SI: variants seen among roughly 807,000 people sequenced by gnomAD.
SI encodes sucrase-isomaltase, intestinal.
In SI, 235 loss-of-function variants were observed where a neutral mutation model predicts 253.3. The ratio of observed to expected loss-of-function variants is 0.93; its 90% CI spans 0.83 to 1.03. The LOEUF (loss-of-function observed/expected upper bound fraction) is 1.03. Ranked by LOEUF, SI falls within the 50% of genes least tolerant of loss-of-function variation. The pLI, the probability that SI is intolerant of heterozygous loss-of-function variation, is 0.00. For synonymous variants in SI, 819 were observed against 712.0 expected (o/e 1.15, Z -2.39); for missense variants, 2,442 against 2,211.1 (o/e 1.10, Z -2.09).
chr3:164,991,544 T>C, intron 43 of SI, 67 bp from the exon 44 acceptor site: 1 of 1,513,634 alleles, frequency 6.6e-7, no homozygotes, highest in Non-Finnish European at 9.2e-7. Flanking sequence ...CACTGGTAGT[T>C]GAGGATATAC....
chr3:164,993,411 A>G (rs1189383037), intron 41 of SI, among the ~76,000 whole-genome samples: 1 of 151,798 alleles, frequency 6.6e-6, no homozygotes, highest in Non-Finnish European at 1.5e-5. Context: ...CGCTTATCCT[A>G]TCATCAAAAG....
At position 165,078,332 on chromosome 3, in the gene SI, C is replaced by T. The variant is rs145305533; in HGVS notation, c.-1+101G>A. The T allele has an allele frequency of 2.0e-5, 3 of 151,826 alleles. No individual in the cohort carries two copies. The East Asian group carries it at 5.8e-4, about 29-fold the overall frequency. The allele number at this position is 151,826 out of a possible 1,614,324, so 9.4% of individuals were successfully genotyped here. ...AAAATATATGATATTGCTATTTTAG[C>T]CTAGTGCAGATAGATGGGAATACTG... On this transcript the variant is annotated intron_variant, in intron 1 of 47. Transcript: ENST00000264382.
intron 32 of SI, among the ~76,000 whole-genome samples, chr3:165,015,508 G>A (rs1175019332): frequency 6.6e-6 from 1 of 152,004 alleles, no homozygotes; most frequent in Non-Finnish European, 1.5e-5. Flanking sequence ...GAGATATCTG[G>A]CTAACTAGCT....
chr3:165,009,465 G>C, intron 34 of SI, 70 bp from the exon 35 acceptor site: 1 of 836,768 alleles, frequency 1.2e-6, no homozygotes, highest in Non-Finnish European at 2.1e-6. Flanking sequence ...AAATCTGAAT[G>C]TATTTGACAG....
chr3:165,081,808 A>T (rs1331463128), upstream of SI, among the ~76,000 whole-genome samples: 2 of 151,914 alleles, frequency 1.3e-5, no homozygotes, highest in Non-Finnish European at 2.9e-5. Flanking sequence ...ACACAAATAT[A>T]AAAAGGGAAG....
Position 165,017,275 on chromosome 3 carries a change from T to C in SI, c.3759+273A>G, listed in dbSNP as rs547852481. On this transcript the variant is annotated intron_variant, in intron 31 of 47. Transcript: ENST00000264382. ...AGTGACTGCCTGTACAACCCAGAGT[T>C]TGTGAGAGGAAATCAAGTGCACAGT... Among the ~76,000 whole-genome samples the C allele has an allele frequency of 1.5e-3, 230 of 152,038 alleles. 1 individual carries two copies. The highest frequency in any genetic ancestry group is 5.4e-3 in the African/African-American group (224 of 41,534).
At chr3:165,070,740 C>T (rs1030528813) in intron 3 of SI, among the ~76,000 whole-genome samples, 3 of 151,972 alleles carry the variant, frequency 2.0e-5, no homozygotes, top group African/African-American at 7.3e-5. Flanking sequence ...AATAGGCTTA[C>T]GTTAATTTCC....
In SI at chr3:165,070,344, C is replaced by T. The variant is rs1229132198; in HGVS notation, c.256-1149G>A. Among the ~76,000 whole-genome samples the T allele has an allele frequency of 1.1e-4, 6 of 55,174 alleles. No homozygotes were observed. In the East Asian group the frequency reaches 6.6e-3, roughly 60 times the overall value. The allele number at this position is 55,174 out of a possible 152,430, so 36.2% of individuals were successfully genotyped here. ...TATATATATAAAATCTCTCTAAACA[C>T]CATATATATATATATATATATGTGT... On this transcript the variant is annotated intron_variant, in intron 3 of 47. Transcript: ENST00000264382.
At chr3:165,067,236 C>T (rs1714291456) in intron 6 of SI, 104 bp downstream of exon 6, 2 of 921,024 alleles carry the variant, frequency 2.2e-6, no homozygotes, top group Non-Finnish European at 3.2e-6. Context: ...CACCTACCCT[C>T]TTTTGGGAGG....
chr3:165,037,914 T>C lies in SI; in HGVS notation c.2412A>G (p.Val804=), dbSNP rs980796525. Residue 804 remains valine (V), a synonymous_variant, in exon 21 of 48, where the codon GTA becomes GTG. Transcript: ENST00000264382. ...GYIIPIQEPD[V]TTTASRKNPL... The stretch of plus-strand genomic sequence containing the variant: ...TTTCATTTTACCTTGCTGTTGTTGT[T>C]ACATCTGGTTCTTGAATGGGGATGA... The C allele has an allele frequency of 3.1e-6, 5 of 1,606,906 alleles. No homozygotes were observed. In the African/African-American group the frequency reaches 6.7e-5, roughly 21 times the overall value.
At chr3:165,003,012 G>T (rs1002010299) in intron 37 of SI, among the ~76,000 whole-genome samples, 26 of 151,770 alleles carry the variant, frequency 1.7e-4, no homozygotes, top group African/African-American at 6.0e-4. Context: ...GCTTAAAAGT[G>T]GAAATGGACT....
chr3:165,020,428 T>C (rs962696053), intron 27 of SI, among the ~76,000 whole-genome samples: 18 of 151,738 alleles, frequency 1.2e-4, no homozygotes, highest in Non-Finnish European at 3.0e-5. Flanking sequence ...TTTAACTTTT[T>C]ATATTTATTA....
chr3:164,990,373 A>C, intron 44 of SI, among the ~76,000 whole-genome samples: 1 of 152,100 alleles, frequency 6.6e-6, no homozygotes, highest in East Asian at 1.9e-4. Flanking sequence ...TAAGACATTA[A>C]GTTGTCATTA....
chr3:165,009,553 T>C (rs769425740), intron 34 of SI, among the ~76,000 whole-genome samples, 158 bp from the exon 35 acceptor site: 23 of 151,974 alleles, frequency 1.5e-4, no homozygotes, highest in Non-Finnish European at 2.9e-5. Context: ...GGTTTCTTCC[T>C]CAACACTTCA....
chr3:165,068,697 T>C, intron 5 of SI, 25 bp downstream of exon 5: 1 of 1,541,320 alleles, frequency 6.5e-7, no homozygotes, highest in Non-Finnish European at 9.0e-7. Flanking sequence ...TAGTATTAAA[T>C]CTTTGGAAAC....
At chr3:165,035,241 A>G (rs1472729507) in intron 22 of SI, among the ~76,000 whole-genome samples, 8 of 152,018 alleles carry the variant, frequency 5.3e-5, no homozygotes. Flanking sequence ...GGTATAAAAG[A>G]CTACATTTAT....
chr3:164,982,146 C>A (rs955094409), intron 47 of SI, 97 bp downstream of exon 47: 7 of 850,912 alleles, frequency 8.2e-6, no homozygotes, highest in Non-Finnish European at 1.3e-5. Context: ...TCATAATTGA[C>A]TCATAATTAT....
chr3:164,997,855 T>C (rs1164274295), intron 38 of SI, among the ~76,000 whole-genome samples: 1 of 151,938 alleles, frequency 6.6e-6, no homozygotes, highest in Non-Finnish European at 1.5e-5. Context: ...CCATGGTGTA[T>C]ATGTACCACA....
chr3:165,063,155 T>A lies in SI; in HGVS notation c.907+287A>T, dbSNP rs548469733. ...TTACTTATCTCGACAAATGAGATTG[T>A]GGGAATGAAAACACCCATTGGCATG... On this transcript the variant is annotated intron_variant, in intron 8 of 47. Coordinates refer to ENST00000264382, the MANE Select transcript of SI (RefSeq NM_001041.4). 9.7e-4 allele frequency among the ~76,000 whole-genome samples: 148 copies of A among 152,218 alleles called. 1 individual carries two copies. Among genetic ancestry groups the A allele is most frequent in the Non-Finnish European group, 1.7e-3 (118 of 68,014 alleles).
Sources: allele counts gnomAD v4.1 joint callset (sites outside exome capture counted in the v4.1 genomes callset), GRCh38; gene constraint gnomAD v4.1.1; transcripts MANE v1.5; gene names NCBI Gene and HGNC (gene_info 2026-07-23, HGNC 2026-07-21).